ZFHX3: variants seen among roughly 807,000 people sequenced by gnomAD.
ZFHX3 encodes the protein zinc finger homeobox 3, also known as zinc finger homeobox protein 3.
In ZFHX3, 42 loss-of-function variants were observed where a neutral mutation model predicts 279.1. The observed-to-expected ratio is 0.15, with a 90% CI of 0.12 to 0.19. The LOEUF is 0.19. ZFHX3 is among the 10% of genes least tolerant of loss of function. ZFHX3 has a pLI of 1.00. For missense variants in ZFHX3, 4,981 were observed against 4,754.0 expected, an observed-to-expected ratio of 1.05 and a Z score of -1.40; for synonymous variants, 2,293 against 1,957.8, an observed-to-expected ratio of 1.17 and a Z score of -4.52.
intron 1 of ZFHX3, among the ~76,000 whole-genome samples, chr16:73,875,621 T>C (rs2029922858): frequency 6.6e-6 from 1 of 152,200 alleles, no homozygotes; most frequent in South Asian, 2.1e-4. Flanking sequence ...ATCAATTTTC[T>C]AGTTATTTCT....
intron 3 of ZFHX3, among the ~76,000 whole-genome samples, chr16:72,941,270 T>A (rs548355122): frequency 1.3e-5 from 2 of 152,380 alleles, no homozygotes; most frequent in South Asian, 4.1e-4. Flanking sequence ...ATGTGAATAT[T>A]GGATAGGACA....
At chr16:73,302,150 G>C (rs1004866878) in intron 4 of ZFHX3, among the ~76,000 whole-genome samples, 1 of 152,100 alleles carries the variant, frequency 6.6e-6, no homozygotes, top group East Asian at 1.9e-4. Context: ...GCAGAAGAAA[G>C]CTCCCTTTCT....
intron 2 of ZFHX3, among the ~76,000 whole-genome samples, chr16:73,636,753 G>C (rs537433223): frequency 6.6e-6 from 1 of 152,154 alleles, no homozygotes; most frequent in South Asian, 2.1e-4. Context: ...CATAAAGGAA[G>C]GTTTAAAAAG....
chr16:72,903,130 G>A (rs1171205319), intron 3 of ZFHX3, among the ~76,000 whole-genome samples: 2 of 152,154 alleles, frequency 1.3e-5, no homozygotes, highest in South Asian at 2.1e-4. Context: ...AGGCCGCTGT[G>A]CATTTGTTCC....
intron 5 of ZFHX3, among the ~76,000 whole-genome samples, chr16:73,195,138 C>A (rs1166521026): frequency 1.3e-5 from 2 of 152,148 alleles, no homozygotes. Flanking sequence ...TGATTTATTT[C>A]TCTACTTCTA....
At chr16:73,274,482 T>C (rs2014239587) in intron 4 of ZFHX3, among the ~76,000 whole-genome samples, 1 of 152,248 alleles carries the variant, frequency 6.6e-6, no homozygotes, top group Non-Finnish European at 1.5e-5. Flanking sequence ...TTTCATGCTT[T>C]TGTTACTTTA....
intron 1 of ZFHX3, among the ~76,000 whole-genome samples, chr16:73,023,889 C>T (rs1431193835): frequency 1.3e-5 from 2 of 152,156 alleles, no homozygotes; most frequent in Admixed American, 1.3e-4. Context: ...GGGACACTTC[C>T]GTTTCAGGAC....
intron 2 of ZFHX3, among the ~76,000 whole-genome samples, chr16:73,636,006 A>G (rs1021031673): frequency 3.9e-5 from 6 of 152,068 alleles, no homozygotes; most frequent in Admixed American, 3.9e-4. Flanking sequence ...CATTGACCTC[A>G]GACTATTGAA....
chr16:72,966,420 C>T (rs373613045), intron 1 of ZFHX3, among the ~76,000 whole-genome samples: 11 of 152,182 alleles, frequency 7.2e-5, no homozygotes, highest in African/African-American at 1.9e-4. Context: ...ACAACAATAA[C>T]AAAATATCTA....
chr16:73,427,947 AG>A (rs2017841043), intron 3 of ZFHX3, among the ~76,000 whole-genome samples: 1 of 152,080 alleles, frequency 6.6e-6, no homozygotes, highest in Admixed American at 6.5e-5. Context: ...TGTCTCAAAA[AG>A]AAAAAAAACC....
chr16:73,602,951 A>AG (rs57852471), intron 2 of ZFHX3, among the ~76,000 whole-genome samples: 3 of 149,302 alleles, frequency 2.0e-5, no homozygotes, highest in Admixed American at 6.7e-5. Context: ...AAAAAAAAAA[A>AG]TCACCATCTG....
At chr16:72,994,635 C>T (rs1011857437) in intron 1 of ZFHX3, among the ~76,000 whole-genome samples, 4 of 152,338 alleles carry the variant, frequency 2.6e-5, no homozygotes, top group Admixed American at 2.0e-4. Context: ...ACAGCTGGCC[C>T]GCACATCTGC....
Position 72,915,477 on chromosome 16 carries a change from G to C in ZFHX3, c.3217-25515C>G, listed in dbSNP as rs142721783. Among the ~76,000 whole-genome samples the C allele has an allele frequency of 3.8e-3, 575 of 152,258 alleles. 7 individuals carry two copies. The highest frequency in any genetic ancestry group is 0.034 in the Admixed American group (518 of 15,284). ...GGAAAACAGAATTGCCACCTCTCAA[G>C]ACTGAGGCTACGTGCAGTGGCTCAC... On this transcript the variant is annotated intron_variant, in intron 3 of 9. Coordinates refer to ENST00000268489, the MANE Select transcript of ZFHX3 (RefSeq NM_006885.4).
intron 5 of ZFHX3, among the ~76,000 whole-genome samples, chr16:73,178,298 C>T (rs1220535935): frequency 6.6e-6 from 1 of 152,032 alleles, no homozygotes; most frequent in Non-Finnish European, 1.5e-5. Context: ...CCACAACACC[C>T]AGCTATTTTT....
chr16:72,997,319 C>T (rs1248757983), intron 1 of ZFHX3, among the ~76,000 whole-genome samples: 2 of 152,148 alleles, frequency 1.3e-5, no homozygotes, highest in South Asian at 2.1e-4. Flanking sequence ...AGGGTCCAGA[C>T]GTCTCTGTTT....
At position 72,788,327 on chromosome 16, in the gene ZFHX3, G is replaced by A. The variant is rs575725460; in HGVS notation, c.9949C>T (p.Pro3317Ser). Residue 3317 changes from proline to serine, a missense_variant, in exon 10 of 10, where the codon CCT (proline) becomes TCT (serine). By Grantham distance (74) the Pro-to-Ser change is moderately conservative. Coordinates refer to ENST00000268489, the MANE Select transcript of ZFHX3 (RefSeq NM_006885.4). ...FLPYFVPGFSPYYAPQIPGAL... is the reference protein window; with the variant it reads ...FLPYFVPGFSSYYAPQIPGAL... ...CCAGGGATCTGGGGAGCATAATAAGGAGAAAAGCCTGGTACAAAGTAAGGA... is the reference window on the plus strand; with the variant it reads ...CCAGGGATCTGGGGAGCATAATAAGAAGAAAAGCCTGGTACAAAGTAAGGA... 3 of 1,614,200 alleles carry A rather than the reference G, an allele frequency of 1.9e-6. No individual in the cohort carries two copies. In the South Asian group the frequency reaches 3.3e-5, roughly 18 times the overall value.
chr16:73,621,509 C>A (rs1239638590), intron 2 of ZFHX3, among the ~76,000 whole-genome samples: 2 of 152,136 alleles, frequency 1.3e-5, no homozygotes, highest in African/African-American at 4.8e-5. Context: ...TTAATTTAAT[C>A]TAAATGGTTG....
intron 1 of ZFHX3, among the ~76,000 whole-genome samples, chr16:73,799,050 T>A (rs549813048): frequency 6.6e-6 from 1 of 152,252 alleles, no homozygotes; most frequent in East Asian, 1.9e-4. Flanking sequence ...GAACCTGATG[T>A]GTCTATTTGG....
At chr16:73,329,268 G>A (rs1305659030) in intron 3 of ZFHX3, among the ~76,000 whole-genome samples, 1 of 152,234 alleles carries the variant, frequency 6.6e-6, no homozygotes, top group Non-Finnish European at 1.5e-5. Flanking sequence ...TGCTCCACAT[G>A]GTGGGGAGCA....
Sources: gnomAD v4.1 joint callset for allele counts (sites outside exome capture counted in the v4.1 genomes callset) on GRCh38, gnomAD v4.1.1 for gene constraint, MANE v1.5 for transcripts, NCBI Gene and HGNC (gene_info 2026-07-23, HGNC 2026-07-21) for gene names.